UBE2B: variants seen among roughly 807,000 people sequenced by gnomAD.
The protein encoded by UBE2B is ubiquitin conjugating enzyme E2 B, also known as ubiquitin-conjugating enzyme E2 B.
UBE2B carries 11 observed loss-of-function variants against 24.6 expected under a neutral mutation model. The observed-to-expected ratio is 0.45, with a 90% CI of 0.28 to 0.74. The LOEUF (loss-of-function observed/expected upper bound fraction) is 0.74, where lower values mean the gene tolerates loss of function less well. UBE2B is among the 30% of genes least tolerant of loss of function. The pLI is 0.13. For missense variants in UBE2B, 78 were observed against 185.6 expected (o/e 0.42, Z 3.37); for synonymous variants, 68 against 62.4 (o/e 1.09, Z -0.42).
rs941889424 is a variant in UBE2B, at chr5:134,386,632, C to CA, written c.242-1681dup. ...GGGCAACAAGAGCGAAACTCCATCTCAAAAAAAAAAAAGGAAAAGAAAATA... is the reference window on the plus strand; with the variant it reads ...GGGCAACAAGAGCGAAACTCCATCTCAAAAAAAAAAAAAGGAAAAGAAAATA... On this transcript the variant is annotated intron_variant, in intron 4 of 5. Coordinates refer to ENST00000265339, the MANE Select transcript of UBE2B (RefSeq NM_003337.4). Among the ~76,000 whole-genome samples the CA allele has an allele frequency of 6.7e-3, 880 of 131,896 alleles. 10 individuals carry two copies. Among genetic ancestry groups the CA allele is most frequent in the African/African-American group, 0.02 (708 of 35,858 alleles). 86.5% of individuals were successfully genotyped at this position (131,896 alleles called of 152,430 possible).
rs1405501988 is a variant in UBE2B, at chr5:134,371,930, C to T, written c.44+291C>T. Among the ~76,000 whole-genome samples, 3 of 152,372 alleles carry T rather than the reference C, an allele frequency of 2.0e-5. No individual in the cohort carries two copies. The East Asian group carries it at 5.8e-4, about 29-fold the overall frequency. ...TTTCGGCCAGCTGCCCGGCGTCTCG[C>T]CCAGGCGATCAGACATTATCCGCCC... On this transcript the variant is annotated intron_variant, in intron 1 of 5. Transcript: ENST00000265339.
At chr5:134,377,527 G>A (rs538251615) in intron 3 of UBE2B, among the ~76,000 whole-genome samples, 4 of 152,308 alleles carry the variant, frequency 2.6e-5, no homozygotes, top group South Asian at 2.1e-4. Flanking sequence ...AATGTTTGTC[G>A]TAGCATCACA....
At chr5:134,376,341 AAAAAAAAATATAT>A (rs1483391356) in intron 2 of UBE2B, among the ~76,000 whole-genome samples, 2 of 71,692 alleles carry the variant, frequency 2.8e-5, no homozygotes, top group Non-Finnish European at 5.2e-5. Flanking sequence ...AAAAAAAAAA[AAAAAAAAATATAT>A]ATATATATAT....
chr5:134,376,875 T>C (rs1419690429), intron 3 of UBE2B, among the ~76,000 whole-genome samples, 181 bp downstream of exon 3: 1 of 152,200 alleles, frequency 6.6e-6, no homozygotes. Context: ...GTCACCTCCA[T>C]TGGTAACCAA....
chr5:134,388,282 G>T (rs1758839136), intron 4 of UBE2B, 43 bp from the exon 5 acceptor site: 1 of 1,514,750 alleles, frequency 6.6e-7, no homozygotes. Flanking sequence ...TTAACTGTTA[G>T]ATATGGCAGA....
At chr5:134,380,955 ATTT>A (rs1186834088) in intron 4 of UBE2B, 147 bp downstream of exon 4, 6,410 of 150,606 alleles carry the variant, frequency 0.043, no homozygotes, top group South Asian at 0.059. Context: ...TTTGTTGTGG[ATTT>A]TTTTTTTTTT....
chr5:134,373,210 C>T (rs1041819448), intron 1 of UBE2B, among the ~76,000 whole-genome samples: 2 of 152,186 alleles, frequency 1.3e-5, no homozygotes, highest in Admixed American at 1.3e-4. Context: ...AAAGCCATTG[C>T]TGTTTGAAGC....
intron 4 of UBE2B, among the ~76,000 whole-genome samples, chr5:134,387,323 T>A (rs1266732331): frequency 6.6e-6 from 1 of 152,240 alleles, no homozygotes; most frequent in Non-Finnish European, 1.5e-5. Flanking sequence ...TGTCCACGTT[T>A]ATTTCCTTAA....
chr5:134,387,392 AT>A (rs1258244717), intron 4 of UBE2B, among the ~76,000 whole-genome samples: 5 of 152,246 alleles, frequency 3.3e-5, no homozygotes, highest in Non-Finnish European at 7.3e-5. Context: ...CTTTAAGAAT[AT>A]TTAGAAATAC....
intron 1 of UBE2B, among the ~76,000 whole-genome samples, 169 bp downstream of exon 1, chr5:134,371,808 G>T (rs1758439056): frequency 6.6e-6 from 1 of 152,146 alleles, no homozygotes; most frequent in East Asian, 1.9e-4. Context: ...AAGCTTTGCC[G>T]CTCGTTCTGG....
At chr5:134,385,231 G>A (rs536922283) in intron 4 of UBE2B, among the ~76,000 whole-genome samples, 1 of 152,266 alleles carries the variant, frequency 6.6e-6, no homozygotes. Context: ...ATGTTTCTGT[G>A]GGATGGACAG....
chr5:134,376,337 AAAAAAAAAAAAAT>A lies in UBE2B; in HGVS notation c.126-330_126-318del, dbSNP rs1335381028. 1.2e-3 allele frequency among the ~76,000 whole-genome samples: 92 copies of A among 77,002 alleles called. 10 individuals are homozygous for A. Among genetic ancestry groups the A allele is most frequent in the African/African-American group, 4.3e-3 (89 of 20,904 alleles). 50.5% of individuals were successfully genotyped at this position (77,002 alleles called of 152,430 possible). ...AACTCCGTCTCAAAAAAAAAAAAAA[AAAAAAAAAAAAAT>A]ATATATATATATATACACATATGTA... On this transcript the variant is annotated intron_variant, in intron 2 of 5. Transcript: ENST00000265339.
chr5:134,382,675 G>A (rs566508964), intron 4 of UBE2B, among the ~76,000 whole-genome samples: 47 of 151,898 alleles, frequency 3.1e-4, no homozygotes, highest in Non-Finnish European at 5.9e-4. Flanking sequence ...TAGGGAGGCC[G>A]AGGTGGGAGA....
chr5:134,374,496 G>A (rs1483636540), intron 2 of UBE2B, 33 bp downstream of exon 2: 1 of 1,546,158 alleles, frequency 6.5e-7, no homozygotes, highest in African/African-American at 1.4e-5. Context: ...TAATAGGTGT[G>A]TGCTGAATCT....
Position 134,380,924 on chromosome 5 carries a change from A to G in UBE2B, c.241+116A>G, listed in dbSNP as rs956359083. On this transcript the variant is annotated intron_variant, in intron 4 of 5. Coordinates refer to ENST00000265339, the MANE Select transcript of UBE2B (RefSeq NM_003337.4). ...GGGCTCACTTGTAGGTGTTGCTTCCATGTCCATGTGAGCCACGTATTTTGT... is the reference window on the plus strand; with the variant it reads ...GGGCTCACTTGTAGGTGTTGCTTCCGTGTCCATGTGAGCCACGTATTTTGT... 2.4e-5 allele frequency: 12 copies of G among 504,336 alleles called. No homozygotes were observed. In the African/African-American group the frequency reaches 2.5e-4, roughly 11 times the overall value. 31.2% of individuals were successfully genotyped at this position (504,336 alleles called of 1,614,324 possible).
At chr5:134,373,715 A>G (rs1262120161) in intron 1 of UBE2B, among the ~76,000 whole-genome samples, 2 of 152,024 alleles carry the variant, frequency 1.3e-5, no homozygotes, top group East Asian at 3.9e-4. Context: ...ATTCCCACCT[A>G]TGAGTGAGAA....
At chr5:134,379,472 G>A (rs1444913734) in intron 3 of UBE2B, among the ~76,000 whole-genome samples, 6 of 151,744 alleles carry the variant, frequency 4.0e-5, no homozygotes, top group Admixed American at 2.6e-4. Context: ...ATGGTGAAAC[G>A]TCGTCTCTAC....
chr5:134,381,302 C>T (rs1317890956), intron 4 of UBE2B, among the ~76,000 whole-genome samples: 1 of 152,142 alleles, frequency 6.6e-6, no homozygotes, highest in Non-Finnish European at 1.5e-5. Flanking sequence ...GTCACCCCTG[C>T]TGGAGTGCAG....
At chr5:134,384,320 T>G (rs11242213) in intron 4 of UBE2B, among the ~76,000 whole-genome samples, 22,738 of 152,174 alleles carry the variant, frequency 0.15, 2,117 homozygotes, top group African/African-American at 0.25. Flanking sequence ...GCACTTCATT[T>G]CTGTGAAGTT....
Sources: allele counts gnomAD v4.1 joint callset (sites outside exome capture counted in the v4.1 genomes callset), GRCh38; gene constraint gnomAD v4.1.1; transcripts MANE v1.5; gene names NCBI Gene and HGNC (gene_info 2026-07-23, HGNC 2026-07-21).